Variants in HK1 observed in about 807,000 individuals in gnomAD.
The protein encoded by HK1 is hexokinase 1.
A neutral mutation model predicts 91.6 loss-of-function variants in HK1; 28 were observed. The observed-to-expected ratio is 0.31, with a 90% confidence interval of 0.23 to 0.42. The LOEUF (loss-of-function observed/expected upper bound fraction) is 0.42. HK1 is among the 10% of genes least tolerant of loss of function. HK1 has a pLI of 1.00. For synonymous variants in HK1, 430 were observed against 468.1 expected, an observed-to-expected ratio of 0.92 and a Z score of 1.05; for missense variants, 770 against 1,219.8, an observed-to-expected ratio of 0.63 and a Z score of 5.49.
intron 1 of HK1, among the ~76,000 whole-genome samples, chr10:69,273,765 T>A (rs553545478): frequency 6.6e-6 from 1 of 152,374 alleles, no homozygotes; most frequent in South Asian, 2.1e-4. Flanking sequence ...AACATTATAT[T>A]TTTCAATTGT....
At chr10:69,384,711 G>T in intron 11 of HK1, 85 bp from the exon 12 acceptor site, 1 of 1,561,294 alleles carries the variant, frequency 6.4e-7, no homozygotes, top group Middle Eastern at 1.7e-4. Flanking sequence ...TCCTACGTGT[G>T]TGTGTGTATA....
chr10:69,278,957 C>CTG (rs1844602198), intron 1 of HK1, among the ~76,000 whole-genome samples: 1 of 152,220 alleles, frequency 6.6e-6, no homozygotes, highest in South Asian at 2.1e-4. Flanking sequence ...TGTAGAGAAG[C>CTG]TGTGATTCTA....
intron 1 of HK1, among the ~76,000 whole-genome samples, chr10:69,320,530 T>C (rs1194307190): frequency 6.6e-6 from 1 of 152,168 alleles, no homozygotes; most frequent in African/African-American, 2.4e-5. Flanking sequence ...ATGAGTTTTC[T>C]CTAGTGGTGT....
intron 1 of HK1, among the ~76,000 whole-genome samples, chr10:69,280,827 A>G (rs1844710465): frequency 6.6e-6 from 1 of 152,226 alleles, no homozygotes; most frequent in South Asian, 2.1e-4. Context: ...GAACGGACCA[A>G]GACAGTGAGG....
chr10:69,400,583 T>C (rs1840341475), intron 17 of HK1, among the ~76,000 whole-genome samples: 1 of 152,152 alleles, frequency 6.6e-6, no homozygotes, highest in South Asian at 2.1e-4. Flanking sequence ...TCCTCCTTGG[T>C]TTTGAGGTCC....
upstream of HK1, among the ~76,000 whole-genome samples, chr10:69,318,604 C>CG (rs1204167576): frequency 2.6e-5 from 4 of 152,178 alleles, no homozygotes; most frequent in East Asian, 3.9e-4. Flanking sequence ...GATGCGGGGT[C>CG]GGGGGGGATT....
intron 2 of HK1, among the ~76,000 whole-genome samples, chr10:69,285,943 A>C (rs4469773): frequency 0.49 from 74,319 of 152,012 alleles, 19,051 homozygotes; most frequent in African/African-American, 0.65. Context: ...ACATTGTAAG[A>C]CTGGGAAGAA....
In HK1 at chr10:69,302,359, C is replaced by G. The variant is rs145372495; in HGVS notation, c.27+1498C>G. 4.7e-3 allele frequency among the ~76,000 whole-genome samples: 671 copies of G among 144,220 alleles called. 6 individuals carry two copies. The highest frequency in any genetic ancestry group is 0.016 in the African/African-American group (636 of 39,320). The allele number at this position is 144,220 out of a possible 152,430, so 94.6% of individuals were successfully genotyped here. A position where few individuals can be genotyped will look rare whatever the true frequency, so the allele number is the denominator to read the frequency against. On this transcript the variant is annotated intron_variant, in intron 5 of 21. Coordinates refer to the HK1 transcript ENST00000360289. Reference sequence around the variant, plus strand: ...GAAATTGAGAGTTCAGAAATAAACCCTTACATTTATGGTATAATGATTTTT... The same window carrying G: ...GAAATTGAGAGTTCAGAAATAAACCGTTACATTTATGGTATAATGATTTTT...
intron 8 of HK1, among the ~76,000 whole-genome samples, chr10:69,377,324 T>C (rs1466952371): frequency 6.6e-6 from 1 of 152,176 alleles, no homozygotes; most frequent in Non-Finnish European, 1.5e-5. Flanking sequence ...GTGATTTTCC[T>C]GTCTAGCTAC....
chr10:69,296,551 G>GT (rs1018897814), intron 4 of HK1, among the ~76,000 whole-genome samples: 12 of 152,190 alleles, frequency 7.9e-5, no homozygotes, highest in Admixed American at 4.6e-4. Context: ...TACAACATAG[G>GT]TGAAACGTGC....
At chr10:69,301,658 GA>G (rs1564765338) in intron 5 of HK1, among the ~76,000 whole-genome samples, 1 of 149,878 alleles carries the variant, frequency 6.7e-6, no homozygotes, top group Non-Finnish European at 1.5e-5. Context: ...GAATAAACAA[GA>G]GAAGTATAGA....
intron 3 of HK1, among the ~76,000 whole-genome samples, chr10:69,363,057 G>A (rs1849517287): frequency 6.6e-6 from 1 of 152,244 alleles, no homozygotes; most frequent in Non-Finnish European, 1.5e-5. Context: ...ATGAGGCCCT[G>A]CAAGTAAAGC....
chr10:69,386,827 A>G (rs1839658661), intron 13 of HK1: 1 of 155,996 alleles, frequency 6.4e-6, no homozygotes, highest in Non-Finnish European at 1.4e-5. Flanking sequence ...GAATTCTAAC[A>G]ATACAGAAGT....
intron 2 of HK1, among the ~76,000 whole-genome samples, chr10:69,285,567 C>T (rs1844990551): frequency 6.6e-6 from 1 of 152,008 alleles, no homozygotes; most frequent in Non-Finnish European, 1.5e-5. Context: ...ACACAATAAA[C>T]AAAGCATCAA....
At chr10:69,396,333 T>C (rs909575650) in intron 16 of HK1, among the ~76,000 whole-genome samples, 2 of 149,748 alleles carry the variant, frequency 1.3e-5, no homozygotes, top group South Asian at 4.3e-4. Flanking sequence ...AAAAAAAACC[T>C]AACAAGCCTA....
chr10:69,388,825 A>G (rs1343558255), intron 13 of HK1, among the ~76,000 whole-genome samples: 1 of 152,222 alleles, frequency 6.6e-6, no homozygotes, highest in Admixed American at 6.5e-5. Context: ...TCTCAAGGAC[A>G]GATTCTGAGC....
chr10:69,315,895 G>A, upstream of HK1: 1 of 1,543,476 alleles, frequency 6.5e-7, no homozygotes, highest in Non-Finnish European at 9.0e-7. Context: ...TGGGCAAGAT[G>A]GCCCACCTGT....
At position 69,309,495 on chromosome 10, in the gene HK1, TAAAAAAAAAA is replaced by T. The variant is rs1177161842; in HGVS notation, c.27+8652_27+8661del. ...CGCGCCTGGCATGACTTTGTCTCAT[TAAAAAAAAAA>T]AAAAAAAAAAAAAAAAAGCCGCGAG... On this transcript the variant is annotated intron_variant, in intron 5 of 21. Coordinates refer to the HK1 transcript ENST00000360289. 5.3e-3 allele frequency among the ~76,000 whole-genome samples: 250 copies of T among 46,974 alleles called. 1 individual carries two copies. The highest frequency in any genetic ancestry group is 0.037 in the Middle Eastern group (2 of 54). The allele number at this position is 46,974 out of a possible 152,430, so 30.8% of individuals were successfully genotyped here.
chr10:69,315,063 G>GA (rs1413781083), upstream of HK1, among the ~76,000 whole-genome samples: 1 of 152,128 alleles, frequency 6.6e-6, no homozygotes, highest in African/African-American at 2.4e-5. Context: ...TTCAATTTAA[G>GA]AAAAAAACCA....
Sources: allele counts gnomAD v4.1 joint callset (sites outside exome capture counted in the v4.1 genomes callset), GRCh38; gene constraint gnomAD v4.1.1; transcripts MANE v1.5; gene names NCBI Gene and HGNC (gene_info 2026-07-23, HGNC 2026-07-21).